The following RANBP17 variants were observed in gnomAD, a reference collection of about 807,000 sequenced individuals.
RANBP17 encodes ran-binding protein 17.
A neutral mutation model predicts 141.2 loss-of-function variants in RANBP17; 158 were observed. That is an observed-to-expected ratio of 1.12 (90% CI 0.98 to 1.28). The LOEUF (loss-of-function observed/expected upper bound fraction) is 1.28, where lower values mean the gene tolerates loss of function less well. RANBP17 is among the 50% of genes most tolerant of loss of function. The pLI is 0.00. For missense variants in RANBP17, 1,438 were observed against 1,290.7 expected (o/e 1.11, Z -1.75); for synonymous variants, 430 against 450.0 (o/e 0.96, Z 0.56).
chr5:170,978,312 A>G (rs1211466534), intron 14 of RANBP17, among the ~76,000 whole-genome samples: 1 of 152,170 alleles, frequency 6.6e-6, no homozygotes, highest in Non-Finnish European at 1.5e-5. Context: ...AAAACTGGAT[A>G]TAGTCTACCT....
intron 14 of RANBP17, among the ~76,000 whole-genome samples, chr5:171,008,344 C>T (rs749045527): frequency 9.9e-5 from 15 of 152,140 alleles, no homozygotes; most frequent in Admixed American, 5.2e-4. Context: ...GATCTCTTCA[C>T]GGAGTGAGGG....
intron 13 of RANBP17, among the ~76,000 whole-genome samples, chr5:170,959,417 A>G (rs570900256): frequency 6.6e-6 from 1 of 152,084 alleles, no homozygotes; most frequent in South Asian, 2.1e-4. Context: ...ACCCTTTCCC[A>G]TTTAACACTG....
At chr5:171,010,753 A>G (rs1561984626) in intron 14 of RANBP17, among the ~76,000 whole-genome samples, 2 of 152,154 alleles carry the variant, frequency 1.3e-5, no homozygotes, top group African/African-American at 4.8e-5. Flanking sequence ...TGTTAAAAGG[A>G]TTATTAGGGA....
intron 20 of RANBP17, among the ~76,000 whole-genome samples, chr5:171,210,193 C>G (rs1762794052): frequency 6.6e-6 from 1 of 152,150 alleles, no homozygotes; most frequent in Admixed American, 6.5e-5. Context: ...ACATAGTCCT[C>G]ACAAGGCCAT....
chr5:171,105,125 G>C lies in RANBP17; in HGVS notation c.1711-65005G>C, dbSNP rs572648584. Among the ~76,000 whole-genome samples the C allele has an allele frequency of 4.9e-3, 739 of 152,014 alleles. 10 individuals are homozygous for C. The highest frequency in any genetic ancestry group is 0.013 in the African/African-American group (545 of 41,478). ...CAGCCGGGCGCGGTGGCTCACGCCT[G>C]TAATCCCAGCACTTTGGGAGGCCAA... On this transcript the variant is annotated intron_variant, in intron 14 of 27. Transcript: ENST00000523189.
intron 18 of RANBP17, among the ~76,000 whole-genome samples, chr5:171,198,074 G>A (rs1386506319): frequency 6.6e-6 from 1 of 152,198 alleles, no homozygotes; most frequent in African/African-American, 2.4e-5. Context: ...GGAATCCAAA[G>A]GGAGAAGGGA....
At chr5:171,095,371 A>G (rs1257095985) in intron 14 of RANBP17, among the ~76,000 whole-genome samples, 4 of 152,194 alleles carry the variant, frequency 2.6e-5, no homozygotes, top group Non-Finnish European at 5.9e-5. Flanking sequence ...AGAAGAGAGG[A>G]TCACAACAGG....
chr5:171,262,110 C>T (rs1233563772), intron 24 of RANBP17, among the ~76,000 whole-genome samples: 1 of 152,216 alleles, frequency 6.6e-6, no homozygotes, highest in Non-Finnish European at 1.5e-5. Context: ...ATGCAACCTG[C>T]ATGGCATGTG....
chr5:170,977,016 T>C (rs570743652), intron 14 of RANBP17, among the ~76,000 whole-genome samples: 1 of 152,244 alleles, frequency 6.6e-6, no homozygotes, highest in Non-Finnish European at 1.5e-5. Flanking sequence ...TTAAAAACTT[T>C]TGTACTTCAG....
chr5:171,120,037 CAAA>C lies in RANBP17; in HGVS notation c.1711-50075_1711-50073del, dbSNP rs34991479. On this transcript the variant is annotated intron_variant, in intron 14 of 27. Transcript: ENST00000523189. Reference sequence around the variant, plus strand: ...GGGCAACAAGAGCGAAACTTAGTCTCAAAAAAAAAAAAAAAAAAAATGAGAGAG... The same window carrying C: ...GGGCAACAAGAGCGAAACTTAGTCTCAAAAAAAAAAAAAAAAATGAGAGAG... Among the ~76,000 whole-genome samples, 65 of 101,070 alleles carry C rather than the reference CAAA, an allele frequency of 6.4e-4. No homozygotes were observed. The East Asian group carries it at 0.016, about 26-fold the overall frequency. 66.3% of individuals were successfully genotyped at this position (101,070 alleles called of 152,430 possible).
At chr5:171,091,818 G>A (rs183365320) in intron 14 of RANBP17, among the ~76,000 whole-genome samples, 285 of 152,274 alleles carry the variant, frequency 1.9e-3, no homozygotes, top group African/African-American at 6.3e-3. Context: ...CACCATGATT[G>A]TGAGGCCTCC....
At chr5:170,989,184 T>C (rs751095075) in intron 14 of RANBP17, among the ~76,000 whole-genome samples, 4 of 151,818 alleles carry the variant, frequency 2.6e-5, no homozygotes, top group African/African-American at 4.8e-5. Flanking sequence ...TTTCTAATGC[T>C]TATAATTGAC....
At chr5:170,938,569 T>A (rs1254775744) in intron 12 of RANBP17, among the ~76,000 whole-genome samples, 2 of 151,892 alleles carry the variant, frequency 1.3e-5, no homozygotes, top group Non-Finnish European at 2.9e-5. Flanking sequence ...GTTAAAGAAA[T>A]AAAAAATAGA....
chr5:170,968,134 C>A, intron 13 of RANBP17, 108 bp from the exon 14 acceptor site: 1 of 738,406 alleles, frequency 1.4e-6, no homozygotes, highest in Non-Finnish European at 2.0e-6. Flanking sequence ...TTTATTTTCC[C>A]ACTTTTTACA....
intron 14 of RANBP17, among the ~76,000 whole-genome samples, chr5:171,110,557 T>G (rs539129404): frequency 6.6e-6 from 1 of 152,274 alleles, no homozygotes; most frequent in African/African-American, 2.4e-5. Flanking sequence ...ATTTTCCAAC[T>G]GTGGCCCTGT....
chr5:171,000,018 T>G (rs1779091482), intron 14 of RANBP17, among the ~76,000 whole-genome samples: 1 of 152,196 alleles, frequency 6.6e-6, no homozygotes, highest in Non-Finnish European at 1.5e-5. Flanking sequence ...GTGACTGGCT[T>G]ATTTTACTTC....
intron 14 of RANBP17, among the ~76,000 whole-genome samples, chr5:171,145,923 T>C (rs17051903): frequency 0.08 from 12,198 of 152,204 alleles, 711 homozygotes; most frequent in African/African-American, 0.16. Flanking sequence ...TAGAGGAAAC[T>C]CCATATTGTG....
At chr5:171,297,376 A>G (rs191068550) in intron 27 of RANBP17, among the ~76,000 whole-genome samples, 1 of 152,278 alleles carries the variant, frequency 6.6e-6, no homozygotes, top group African/African-American at 2.4e-5. Context: ...GAGAAAAAGC[A>G]TGTGTTCAGG....
intron 12 of RANBP17, among the ~76,000 whole-genome samples, chr5:170,933,032 A>T (rs970518219): frequency 6.6e-6 from 1 of 152,128 alleles, no homozygotes; most frequent in South Asian, 2.1e-4. Context: ...CTGTGAATCC[A>T]TCTGGTCCTG....
Sources: allele counts gnomAD v4.1 joint callset (sites outside exome capture counted in the v4.1 genomes callset), GRCh38; gene constraint gnomAD v4.1.1; transcripts MANE v1.5; gene names NCBI Gene and HGNC (gene_info 2026-07-23, HGNC 2026-07-21).